SLC5A5: variants seen among roughly 807,000 people sequenced by gnomAD.
The protein encoded by SLC5A5 is solute carrier family 5 member 5.
In SLC5A5, 56 loss-of-function variants were observed where a neutral mutation model predicts 68.6. That is an observed-to-expected ratio of 0.82 (90% CI 0.66 to 1.02). The LOEUF (loss-of-function observed/expected upper bound fraction) is 1.02, where lower values mean the gene tolerates loss of function less well. SLC5A5 is among the 50% of genes least tolerant of loss of function. The probability of loss-of-function intolerance (pLI) is 0.00; values close to 1 mark genes in which losing one functional copy is unlikely to be tolerated. For missense variants in SLC5A5, 807 were observed against 859.8 expected (o/e 0.94, Z 0.77); for synonymous variants, 398 against 373.0 (o/e 1.07, Z -0.77).
In SLC5A5 at chr19:17,877,966, C is replaced by G. The variant is rs538646910; in HGVS notation, c.842C>G (p.Ala281Gly). The G allele has an allele frequency of 1.2e-6, 2 of 1,613,600 alleles. No individual in the cohort carries two copies. Among genetic ancestry groups the G allele is most frequent in the Non-Finnish European group, 1.7e-6 (2 of 1,180,026 alleles). The change falls in exon 7 of 15, where the codon GCC (alanine) becomes GGC (glycine). Residue 281 changes from alanine to glycine, a missense_variant and splice_region_variant. By Grantham distance (60) the Ala-to-Gly change is moderately conservative (BLOSUM62 0). Transcript: ENST00000222248. The part of the protein sequence containing the change: ...ACRTEKQAKL[A>G]LLINQVGLFL... Reference sequence around the variant, plus strand: ...CCTGAGGCTGCCTCTTCCCCCAGGGCCCTGCTCATCAACCAGGTCGGCCTG... The same window carrying G: ...CCTGAGGCTGCCTCTTCCCCCAGGGGCCTGCTCATCAACCAGGTCGGCCTG...
chr19:17,891,990 A>G (rs1204901902), intron 14 of SLC5A5, among the ~76,000 whole-genome samples: 1 of 152,146 alleles, frequency 6.6e-6, no homozygotes, highest in Non-Finnish European at 1.5e-5. Context: ...TAAGCATTCA[A>G]AAGATAATAC....
At position 17,888,979 on chromosome 19, in the gene SLC5A5, T is replaced by C. The variant is rs185185281; in HGVS notation, c.1651+524T>C. On this transcript the variant is annotated intron_variant, in intron 13 of 14. Transcript: ENST00000222248. ...TGTGAGGAAAAAAGAAGTGTGTGTGTATATATACACATACATACACACTTT... is the reference window on the plus strand; with the variant it reads ...TGTGAGGAAAAAAGAAGTGTGTGTGCATATATACACATACATACACACTTT... Among the ~76,000 whole-genome samples the C allele has an allele frequency of 4.7e-3, 716 of 151,216 alleles. 4 individuals are homozygous for C. The highest frequency in any genetic ancestry group is 7.7e-3 in the Non-Finnish European group (522 of 67,780).
chr19:17,889,188 G>A (rs1450382420), intron 13 of SLC5A5, among the ~76,000 whole-genome samples: 1 of 151,892 alleles, frequency 6.6e-6, no homozygotes, highest in Non-Finnish European at 1.5e-5. Flanking sequence ...CCTGAGGTCA[G>A]GAGTTCAAGA....
Position 17,874,474 on chromosome 19 carries a change from G to A in SLC5A5, c.424-20G>A. Reference sequence around the variant, plus strand: ...GCCCAGACGCCCTCCCTGCTCACCCGCCCCACACTCTGTCTACAGATGCTG... The same window carrying A: ...GCCCAGACGCCCTCCCTGCTCACCCACCCCACACTCTGTCTACAGATGCTG... On this transcript the variant is annotated intron_variant, in intron 2 of 14. Transcript: ENST00000222248. 1.9e-6 allele frequency: 3 copies of A among 1,613,304 alleles called. No homozygotes were observed. Among genetic ancestry groups the A allele is most frequent in the Non-Finnish European group, 2.5e-6 (3 of 1,179,692 alleles).
rs555308071 is a variant in SLC5A5 at position 17,872,213 on chromosome 19, C to A, written c.-107C>A. On this transcript the variant is annotated 5_prime_UTR_variant, in exon 1 of 15. Coordinates refer to ENST00000222248, the MANE Select transcript of SLC5A5 (RefSeq NM_000453.3). The stretch of plus-strand genomic sequence containing the variant: ...GACGGAGCGGGGACAGGCTGCCGAG[C>A]ATCCTCCCACCCGCCCTCCCCGTCC... 2.0e-4 allele frequency: 130 copies of A among 645,902 alleles called. 3 individuals are homozygous for A. The South Asian group carries it at 2.2e-3, about 11-fold the overall frequency. The allele number at this position is 645,902 out of a possible 1,614,324, so 40.0% of individuals were successfully genotyped here. A position where few individuals can be genotyped will look rare whatever the true frequency, so the allele number is the denominator to read the frequency against.
chr19:17,882,234 GC>G lies in SLC5A5; in HGVS notation c.1242+20del. On this transcript the variant is annotated intron_variant, in intron 10 of 14. Transcript: ENST00000222248. ...GTGTCCTTCAGGTGAGACCCCACCT[GC>G]CCCCTGCCCTGGTCTCCTGAGAGGT... 3 of 1,608,544 alleles carry G rather than the reference GC, an allele frequency of 1.9e-6. No individual in the cohort carries two copies. The highest frequency in any genetic ancestry group is 1.7e-6 in the Non-Finnish European group (2 of 1,176,134).
chr19:17,893,848 G>T lies in SLC5A5; in HGVS notation c.1903G>T (p.Gly635Cys), dbSNP rs776029201. 6.3e-7 allele frequency: 1 copy of T among 1,581,578 alleles called. No homozygotes were observed. Among genetic ancestry groups the T allele is most frequent in the Non-Finnish European group, 8.6e-7 (1 of 1,161,688 alleles). Reference protein sequence around the residue: ...SWTPCVGHDGGRDQQETNL With the variant: ...SWTPCVGHDGCRDQQETNL ...GACCCCCTGTGTTGGACATGATGGT[G>T]GTCGAGACCAGCAGGAGACAAACCT... The change falls in exon 15 of 15, where the codon GGT becomes TGT. Residue 635 changes from glycine to cysteine, a missense_variant. Physicochemically the swap from Gly to Cys is radical, Grantham distance 159 (BLOSUM62 -3). Coordinates refer to ENST00000222248, the MANE Select transcript of SLC5A5 (RefSeq NM_000453.3).
chr19:17,874,355 G>T, intron 2 of SLC5A5, 139 bp from the exon 3 acceptor site: 2 of 664,716 alleles, frequency 3.0e-6, no homozygotes, highest in East Asian at 5.6e-5. Context: ...CACCACAGCC[G>T]GCCTGACCCC....
intron 4 of SLC5A5, among the ~76,000 whole-genome samples, chr19:17,875,644 T>C (rs1361207539): frequency 6.9e-6 from 1 of 144,928 alleles, no homozygotes; most frequent in East Asian, 2.3e-4. Context: ...TCGGGCATGG[T>C]GGCACCTGCT....
At chr19:17,882,807 C>T (rs1346423821) in intron 10 of SLC5A5, among the ~76,000 whole-genome samples, 3 of 152,184 alleles carry the variant, frequency 2.0e-5, no homozygotes, top group Admixed American at 6.5e-5. Context: ...CCTCAGCCTC[C>T]CGAGTAGCTG....
At position 17,892,691 on chromosome 19, in the gene SLC5A5, A is replaced by AGAGAGAGAGC. The variant is rs1386937959; in HGVS notation, c.1768-1015_1768-1014insAGCGAGAGAG. Reference sequence around the variant, plus strand: ...GAGAGAGAGAGAGAGAGAGAGAGAGAGAGAGAGCAAGCTAAAAAGAAAAAC... The same window carrying AGAGAGAGAGC: ...GAGAGAGAGAGAGAGAGAGAGAGAGAGAGAGAGAGCGAGAGAGCAAGCTAAAAAGAAAAAC... On this transcript the variant is annotated intron_variant, in intron 14 of 14. Transcript: ENST00000222248. Among the ~76,000 whole-genome samples the AGAGAGAGAGC allele has an allele frequency of 2.7e-3, 401 of 150,144 alleles. 4 individuals carry two copies. The highest frequency in any genetic ancestry group is 9.6e-3 in the African/African-American group (386 of 40,168).
At chr19:17,891,960 G>A (rs1480927671) in intron 14 of SLC5A5, among the ~76,000 whole-genome samples, 2 of 152,160 alleles carry the variant, frequency 1.3e-5, no homozygotes, top group East Asian at 1.9e-4. Context: ...GAAACATGTA[G>A]GGTCTGTCTC....
chr19:17,891,454 C>T (rs893242229), intron 14 of SLC5A5, among the ~76,000 whole-genome samples: 1 of 152,168 alleles, frequency 6.6e-6, no homozygotes, highest in Non-Finnish European at 1.5e-5. Flanking sequence ...GATCCACCCA[C>T]CTTAGACCCC....
intron 10 of SLC5A5, among the ~76,000 whole-genome samples, chr19:17,882,851 T>C (rs868705707): frequency 6.6e-6 from 1 of 151,548 alleles, no homozygotes; most frequent in African/African-American, 2.4e-5. Context: ...GCCTGACTAA[T>C]TTTTTGTATT....
At chr19:17,877,671 G>T in intron 5 of SLC5A5, 52 bp from the exon 6 acceptor site, 1 of 1,610,792 alleles carries the variant, frequency 6.2e-7, no homozygotes, top group East Asian at 2.2e-5. Context: ...CCTTGGGAGG[G>T]TGAAGTCAGC....
At position 17,894,110 on chromosome 19, in the gene SLC5A5, TC is replaced by T. The variant is rs886054285; in HGVS notation, c.*239del. ...TATTAGACGCTGCAGCCCTGACGGC[TC>T]CCCCCAAATAAGGCTGGGTTTTTCT... is the stretch of plus-strand genomic sequence containing the variant. On this transcript the variant is annotated 3_prime_UTR_variant, in exon 15 of 15. Coordinates refer to ENST00000222248, the MANE Select transcript of SLC5A5 (RefSeq NM_000453.3). The T allele has an allele frequency of 1.5e-5, 7 of 464,810 alleles. No individual in the cohort carries two copies. Among genetic ancestry groups the T allele is most frequent in the Middle Eastern group, 6.1e-4 (1 of 1,632 alleles). The allele number at this position is 464,810 out of a possible 1,614,324, so 28.8% of individuals were successfully genotyped here.
At chr19:17,888,178 T>C (rs2029996812) in intron 12 of SLC5A5, among the ~76,000 whole-genome samples, 153 bp from the exon 13 acceptor site, 1 of 151,854 alleles carries the variant, frequency 6.6e-6, no homozygotes, top group Non-Finnish European at 1.5e-5. Context: ...GGAAGGAACA[T>C]TGGCTACTGC....
intron 12 of SLC5A5, among the ~76,000 whole-genome samples, chr19:17,885,327 G>GTTTATTTA (rs538196595): frequency 9.2e-4 from 139 of 151,428 alleles, no homozygotes; most frequent in African/African-American, 3.1e-3. Flanking sequence ...TTTCTGTTTT[G>GTTTATTTA]TTTATTTATT....
intron 10 of SLC5A5, 109 bp downstream of exon 10, chr19:17,882,328 T>G: frequency 1.2e-6 from 1 of 842,346 alleles, no homozygotes. Context: ...GTGGCAGAAC[T>G]CACTTCTATG....
Sources: allele counts gnomAD v4.1 joint callset (sites outside exome capture counted in the v4.1 genomes callset), GRCh38; gene constraint gnomAD v4.1.1; transcripts MANE v1.5; gene names NCBI Gene and HGNC (gene_info 2026-07-23, HGNC 2026-07-21).